The following ARHGAP24 variants were observed in gnomAD, a reference collection of about 807,000 sequenced individuals.
The protein encoded by ARHGAP24 is rho GTPase-activating protein 24.
Under a neutral mutation model 76.4 loss-of-function variants are expected in ARHGAP24, and 50 were observed. The observed-to-expected ratio is 0.65, with a 90% CI of 0.52 to 0.83. The LOEUF (loss-of-function observed/expected upper bound fraction) is 0.83. Among genes scored for constraint, ARHGAP24 ranks in the 40% least tolerant of loss-of-function variants. The pLI, the probability that ARHGAP24 is intolerant of heterozygous loss-of-function variation, is 0.00. For missense variants in ARHGAP24, 930 were observed against 914.2 expected, an observed-to-expected ratio of 1.02 and a Z score of -0.22; for synonymous variants, 345 against 323.3, an observed-to-expected ratio of 1.07 and a Z score of -0.72.
At chr4:85,723,106 C>T (rs1229412486) in intron 3 of ARHGAP24, among the ~76,000 whole-genome samples, 1 of 152,142 alleles carries the variant, frequency 6.6e-6, no homozygotes, top group Admixed American at 6.5e-5. Context: ...TCCTTTTATT[C>T]TTACTTCTTA....
intron 3 of ARHGAP24, among the ~76,000 whole-genome samples, chr4:85,909,837 G>A (rs1158391170): frequency 6.6e-6 from 1 of 152,212 alleles, no homozygotes; most frequent in Non-Finnish European, 1.5e-5. Flanking sequence ...GAAAGATCAT[G>A]TTACAGGATC....
chr4:85,804,209 T>G (rs886200253), intron 3 of ARHGAP24, among the ~76,000 whole-genome samples: 1 of 152,204 alleles, frequency 6.6e-6, no homozygotes, highest in Non-Finnish European at 1.5e-5. Flanking sequence ...CTCATTATAA[T>G]GAGCAGTATA....
intron 1 of ARHGAP24, among the ~76,000 whole-genome samples, chr4:85,518,809 T>C (rs1169692241): frequency 6.6e-6 from 1 of 152,220 alleles, no homozygotes; most frequent in Non-Finnish European, 1.5e-5. Context: ...CTATTGTGAA[T>C]TGTTCTGCTA....
At chr4:85,576,892 A>T (rs562099626) in intron 2 of ARHGAP24, among the ~76,000 whole-genome samples, 58 of 152,186 alleles carry the variant, frequency 3.8e-4, no homozygotes, top group African/African-American at 1.2e-3. Flanking sequence ...ACTAATTCGG[A>T]TACATTGGGC....
intron 2 of ARHGAP24, chr4:85,686,543 G>T (rs1199072680): frequency 1.3e-5 from 2 of 152,084 alleles, no homozygotes; most frequent in Admixed American, 6.6e-5. Flanking sequence ...TTCTGGAGAG[G>T]TATATATAGT....
chr4:85,719,628 A>G (rs1724855099), intron 2 of ARHGAP24, among the ~76,000 whole-genome samples: 2 of 152,236 alleles, frequency 1.3e-5, no homozygotes, highest in Admixed American at 1.3e-4. Context: ...TTAGTTTTTA[A>G]CACTGGCTTC....
intron 3 of ARHGAP24, among the ~76,000 whole-genome samples, chr4:85,845,143 A>G (rs1730808087): frequency 6.6e-6 from 1 of 152,214 alleles, no homozygotes; most frequent in Non-Finnish European, 1.5e-5. Context: ...AAAGTATTGA[A>G]TTGTGTCTGG....
At chr4:85,494,008 A>T (rs566741953) in intron 1 of ARHGAP24, among the ~76,000 whole-genome samples, 7 of 152,320 alleles carry the variant, frequency 4.6e-5, no homozygotes, top group African/African-American at 1.7e-4. Flanking sequence ...AAGGAAAACT[A>T]TGGTGACTTC....
chr4:85,490,067 G>A (rs571475581), intron 1 of ARHGAP24, among the ~76,000 whole-genome samples: 55 of 152,290 alleles, frequency 3.6e-4, no homozygotes, highest in African/African-American at 1.3e-3. Context: ...TTCAGCAAGA[G>A]TAAATGACAT....
chr4:85,690,109 GATGATC>G (rs1723573818), intron 2 of ARHGAP24, among the ~76,000 whole-genome samples: 2 of 152,184 alleles, frequency 1.3e-5, no homozygotes, highest in African/African-American at 4.8e-5. Flanking sequence ...TGTTTATTTC[GATGATC>G]ATATGGATTT....
chr4:85,678,661 A>G (rs538453918), intron 2 of ARHGAP24, among the ~76,000 whole-genome samples: 1 of 152,344 alleles, frequency 6.6e-6, no homozygotes, highest in African/African-American at 2.4e-5. Flanking sequence ...TCAATGTATC[A>G]GACTACAAAC....
intron 5 of ARHGAP24, among the ~76,000 whole-genome samples, chr4:85,951,793 A>G (rs1737629521): frequency 6.6e-6 from 1 of 152,196 alleles, no homozygotes; most frequent in African/African-American, 2.4e-5. Flanking sequence ...TATTTATTAA[A>G]ACCTAGAAAG....
intron 2 of ARHGAP24, among the ~76,000 whole-genome samples, chr4:85,592,036 G>A (rs756992660): frequency 7.2e-5 from 11 of 152,124 alleles, no homozygotes; most frequent in Non-Finnish European, 1.3e-4. Context: ...AATCTGACCC[G>A]TGACCTTGGG....
intron 3 of ARHGAP24, among the ~76,000 whole-genome samples, chr4:85,761,345 C>G (rs1033062212): frequency 6.6e-6 from 1 of 152,192 alleles, no homozygotes; most frequent in African/African-American, 2.4e-5. Context: ...ACTGTGGACT[C>G]AGTAGCTGAG....
intron 2 of ARHGAP24, among the ~76,000 whole-genome samples, chr4:85,648,619 A>G (rs1721815832): frequency 1.3e-5 from 2 of 152,094 alleles, no homozygotes; most frequent in Non-Finnish European, 2.9e-5. Flanking sequence ...ATCATCACAA[A>G]TCATAAACCA....
intron 2 of ARHGAP24, among the ~76,000 whole-genome samples, chr4:85,575,431 A>G (rs1442552696): frequency 6.6e-6 from 1 of 152,194 alleles, no homozygotes; most frequent in African/African-American, 2.4e-5. Context: ...ATTTCATTGT[A>G]TTTACATGCA....
intron 3 of ARHGAP24, among the ~76,000 whole-genome samples, chr4:85,852,879 G>A (rs1169135184): frequency 6.6e-6 from 1 of 152,206 alleles, no homozygotes; most frequent in East Asian, 1.9e-4. Context: ...AGCATGAGAT[G>A]TCAGTCAGCC....
intron 3 of ARHGAP24, among the ~76,000 whole-genome samples, chr4:85,854,054 G>C (rs1358555822): frequency 1.4e-5 from 2 of 146,646 alleles, no homozygotes; most frequent in Non-Finnish European, 3.0e-5. Flanking sequence ...AGAATCGCTT[G>C]AATCTGGGAG....
chr4:85,827,517 T>TGTG (rs1553933033), intron 3 of ARHGAP24, among the ~76,000 whole-genome samples: 36 of 126,270 alleles, frequency 2.9e-4, no homozygotes, highest in South Asian at 7.5e-4. Context: ...TGTGTGTGTG[T>TGTG]TTAGAGAGAG....
Sources: allele counts gnomAD v4.1 joint callset (sites outside exome capture counted in the v4.1 genomes callset), GRCh38; gene constraint gnomAD v4.1.1; transcripts MANE v1.5; gene names NCBI Gene and HGNC (gene_info 2026-07-23, HGNC 2026-07-21).